The following KALRN variants were observed in gnomAD, a reference collection of about 807,000 sequenced individuals.
KALRN encodes kalirin RhoGEF kinase.
KALRN carries 70 observed loss-of-function variants against 353.7 expected under a neutral mutation model. The observed-to-expected ratio is 0.20, with a 90% confidence interval of 0.16 to 0.24. The LOEUF (loss-of-function observed/expected upper bound fraction) is 0.24, where lower values mean the gene tolerates loss of function less well. KALRN is among the 10% of genes least tolerant of loss of function. KALRN has a pLI of 1.00. For missense variants in KALRN, 2,791 were observed against 3,756.7 expected, an observed-to-expected ratio of 0.74 and a Z score of 6.72; for synonymous variants, 1,391 against 1,434.8, an observed-to-expected ratio of 0.97 and a Z score of 0.69.
chr3:124,366,760 T>C (rs1435207728), intron 10 of KALRN, among the ~76,000 whole-genome samples: 149 of 150,620 alleles, frequency 9.9e-4, no homozygotes, highest in African/African-American at 2.8e-3. Flanking sequence ...AGAGGGGCTC[T>C]TCACTTCCCA....
intron 10 of KALRN, among the ~76,000 whole-genome samples, chr3:124,364,847 T>C (rs1269319406): frequency 1.3e-5 from 2 of 152,206 alleles, no homozygotes; most frequent in Non-Finnish European, 2.9e-5. Flanking sequence ...CTGTTCTGCC[T>C]GGAGAGCTGT....
At chr3:124,670,284 C>T (rs1354893189) in intron 47 of KALRN, among the ~76,000 whole-genome samples, 1 of 152,218 alleles carries the variant, frequency 6.6e-6, no homozygotes, top group Non-Finnish European at 1.5e-5. Flanking sequence ...GCACCTGGCC[C>T]TTCCCATATA....
At chr3:124,180,021 C>T (rs2073355540) in intron 1 of KALRN, among the ~76,000 whole-genome samples, 1 of 152,194 alleles carries the variant, frequency 6.6e-6, no homozygotes, top group Non-Finnish European at 1.5e-5. Flanking sequence ...TCCTTTTCAT[C>T]AGTTGTCCAC....
chr3:124,395,096 C>A, intron 11 of KALRN, 39 bp from the exon 12 acceptor site: 2 of 1,562,504 alleles, frequency 1.3e-6, no homozygotes, highest in Non-Finnish European at 1.8e-6. Context: ...CTGGCCTCTC[C>A]CATCTTCCCT....
Position 124,426,462 on chromosome 3 carries a change from G to A in KALRN, c.2709+3484G>A, listed in dbSNP as rs545545262. Among the ~76,000 whole-genome samples the A allele has an allele frequency of 6.6e-5, 10 of 152,298 alleles. No individual in the cohort carries two copies. The South Asian group carries it at 2.1e-3, about 32-fold the overall frequency. ...TTAGAGCTCATAGATTAAAGGTTTA[G>A]ATTTGATCATGGCCCATCATAACCT... On this transcript the variant is annotated intron_variant, in intron 15 of 59. Coordinates refer to ENST00000682506, the MANE Select transcript of KALRN (RefSeq NM_001388419.1).
chr3:124,716,306 T>C (rs2063131260), intron 58 of KALRN, among the ~76,000 whole-genome samples: 3 of 152,220 alleles, frequency 2.0e-5, no homozygotes, highest in African/African-American at 7.2e-5. Flanking sequence ...GGTGGATCAC[T>C]TGAGACCAGG....
chr3:124,332,412 C>T (rs1232637958), intron 8 of KALRN, among the ~76,000 whole-genome samples: 1 of 152,104 alleles, frequency 6.6e-6, no homozygotes. Flanking sequence ...AGATAAAAGA[C>T]CATTTTCATC....
intron 1 of KALRN, among the ~76,000 whole-genome samples, chr3:124,065,089 G>A (rs934500952): frequency 5.3e-5 from 8 of 152,100 alleles, no homozygotes; most frequent in Non-Finnish European, 1.0e-4. Flanking sequence ...TTTCCACTCA[G>A]GAAAGACTGC....
intron 1 of KALRN, among the ~76,000 whole-genome samples, chr3:124,106,324 C>G (rs1296871694): frequency 6.6e-6 from 1 of 152,180 alleles, no homozygotes. Context: ...TGAGCTCAGA[C>G]TGGAGAGGTG....
chr3:124,263,834 C>T (rs1472526195), intron 3 of KALRN, among the ~76,000 whole-genome samples: 1 of 152,120 alleles, frequency 6.6e-6, no homozygotes, highest in African/African-American at 2.4e-5. Flanking sequence ...GACTTTCCAT[C>T]TCAGGTTTAA....
chr3:124,191,271 T>C (rs1409336412), intron 1 of KALRN, among the ~76,000 whole-genome samples: 1 of 152,180 alleles, frequency 6.6e-6, no homozygotes, highest in African/African-American at 2.4e-5. Flanking sequence ...AAATCACTGG[T>C]TATTGATGAT....
chr3:124,151,826 G>C (rs2068148636), intron 1 of KALRN: 1 of 390,990 alleles, frequency 2.6e-6, no homozygotes, highest in Middle Eastern at 7.5e-4. Context: ...CTCACATTTG[G>C]ATCAGTAATT....
At chr3:124,420,385 C>T (rs913379292) in intron 14 of KALRN, among the ~76,000 whole-genome samples, 2 of 152,208 alleles carry the variant, frequency 1.3e-5, no homozygotes, top group African/African-American at 4.8e-5. Context: ...AACAAATCCG[C>T]ATCAAGACTG....
At chr3:124,606,980 T>C (rs747238663) in intron 34 of KALRN, among the ~76,000 whole-genome samples, 3 of 152,242 alleles carry the variant, frequency 2.0e-5, no homozygotes, top group African/African-American at 4.8e-5. Context: ...CATGGGAACA[T>C]AAATTGATTC....
At chr3:124,657,332 T>C in intron 39 of KALRN, 116 bp from the exon 40 acceptor site, 2 of 694,596 alleles carry the variant, frequency 2.9e-6, no homozygotes, top group East Asian at 2.7e-5. Context: ...CACAGAAGCA[T>C]TTGTCCGCAA....
At chr3:124,606,465 T>C (rs923261502) in intron 34 of KALRN, among the ~76,000 whole-genome samples, 2 of 152,248 alleles carry the variant, frequency 1.3e-5, no homozygotes, top group Non-Finnish European at 2.9e-5. Flanking sequence ...TTCTTCTTAA[T>C]CCTTTCTTAT....
At chr3:124,566,550 T>TCCTCC (rs2072874346) in intron 34 of KALRN, among the ~76,000 whole-genome samples, 2 of 150,820 alleles carry the variant, frequency 1.3e-5, no homozygotes, top group African/African-American at 4.9e-5. Context: ...CATGGAGCAC[T>TCCTCC]CCTTATGCCC....
At chr3:124,499,337 C>G (rs2064246355) in intron 33 of KALRN, among the ~76,000 whole-genome samples, 1 of 152,154 alleles carries the variant, frequency 6.6e-6, no homozygotes, top group African/African-American at 2.4e-5. Context: ...GTTACTGCAC[C>G]TTCGTTTTTC....
intron 26 of KALRN, among the ~76,000 whole-genome samples, 179 bp from the exon 27 acceptor site, chr3:124,477,066 A>G (rs2061494587): frequency 6.6e-6 from 1 of 152,260 alleles, no homozygotes; most frequent in Non-Finnish European, 1.5e-5. Context: ...GGAGAAAGAC[A>G]TCCCAATGTC....
Sources: allele counts gnomAD v4.1 joint callset (sites outside exome capture counted in the v4.1 genomes callset), GRCh38; gene constraint gnomAD v4.1.1; transcripts MANE v1.5; gene names NCBI Gene and HGNC (gene_info 2026-07-23, HGNC 2026-07-21).